The following ADGB variants were observed in gnomAD, a reference collection of about 807,000 sequenced individuals.
The protein encoded by ADGB is calpain-7-like protein.
ADGB carries 172 observed loss-of-function variants against 210.5 expected under a neutral mutation model. The ratio of observed to expected loss-of-function variants is 0.82; its 90% CI spans 0.72 to 0.93. The LOEUF is 0.93. Among genes scored for constraint, ADGB ranks in the 40% least tolerant of loss-of-function variants. The pLI, the probability that ADGB is intolerant of heterozygous loss-of-function variation, is 0.00. For missense variants in ADGB, 2,025 were observed against 1,964.8 expected, an observed-to-expected ratio of 1.03 and a Z score of -0.58; for synonymous variants, 658 against 662.7, an observed-to-expected ratio of 0.99 and a Z score of 0.11.
intron 12 of ADGB, among the ~76,000 whole-genome samples, chr6:146,698,744 G>T (rs1776445444): frequency 6.6e-6 from 1 of 151,854 alleles, no homozygotes; most frequent in Non-Finnish European, 1.5e-5. Flanking sequence ...AAACTTTTGG[G>T]GTTTTGTTTT....
intron 1 of ADGB, among the ~76,000 whole-genome samples, chr6:146,615,189 A>G (rs1267510753): frequency 2.0e-5 from 3 of 151,910 alleles, no homozygotes; most frequent in Non-Finnish European, 4.4e-5. Context: ...TACAGGCGTG[A>G]GCCACCACAC....
chr6:146,804,348 C>T (rs1418385770), intron 35 of ADGB, among the ~76,000 whole-genome samples: 1 of 152,118 alleles, frequency 6.6e-6, no homozygotes, highest in Non-Finnish European at 1.5e-5. Context: ...ACTGTCATTT[C>T]CAGTAATGGC....
chr6:146,759,104 C>T (rs570624836), intron 27 of ADGB, among the ~76,000 whole-genome samples: 2 of 151,898 alleles, frequency 1.3e-5, no homozygotes, highest in South Asian at 4.1e-4. Context: ...CACATAAATA[C>T]TAATAGTTGC....
At chr6:146,679,963 G>A (rs1764031593) in intron 9 of ADGB, among the ~76,000 whole-genome samples, 1 of 152,116 alleles carries the variant, frequency 6.6e-6, no homozygotes, top group South Asian at 2.1e-4. Context: ...CTCTAGTATA[G>A]AGTTCAGTAT....
At chr6:146,602,639 G>A (rs1057291245) in intron 1 of ADGB, among the ~76,000 whole-genome samples, 2 of 152,110 alleles carry the variant, frequency 1.3e-5, no homozygotes, top group Non-Finnish European at 1.5e-5. Context: ...GGTCAGGTTC[G>A]GGGAAGGCTG....
At chr6:146,653,995 G>A (rs1020096691) in intron 3 of ADGB, 140 bp from the exon 4 acceptor site, 3 of 443,054 alleles carry the variant, frequency 6.8e-6, no homozygotes, top group East Asian at 7.7e-5. Context: ...ATATCCTACT[G>A]CTCAAGGTCA....
intron 7 of ADGB, among the ~76,000 whole-genome samples, chr6:146,671,869 A>G (rs771655965): frequency 1.3e-5 from 2 of 152,192 alleles, no homozygotes; most frequent in African/African-American, 2.4e-5. Flanking sequence ...GACCTTCTAC[A>G]TAAGTGATCA....
At position 146,815,070 on chromosome 6, in the gene ADGB, C is replaced by G. The variant is rs1434332647; in HGVS notation, c.4857C>G (p.Ile1619Met). Residue 1619 changes from isoleucine to methionine, a missense_variant, in exon 36 of 36, where the codon ATC becomes ATG. By Grantham distance (10) the Ile-to-Met change is conservative (BLOSUM62 1). Coordinates refer to ENST00000397944, the MANE Select transcript of ADGB (RefSeq NM_024694.4). Reference sequence around the variant, plus strand: ...AAGCCCGACAGAAAATTTTCGACATCCGGGAAGAGTACAGAAACAAATTGC... The same window carrying G: ...AAGCCCGACAGAAAATTTTCGACATGCGGGAAGAGTACAGAAACAAATTGC... ...LDEARQKIFDIREEYRNKLLE... is the reference protein window; with the variant it reads ...LDEARQKIFDMREEYRNKLLE... The G allele has an allele frequency of 2.6e-6, 4 of 1,546,236 alleles. No individual in the cohort carries two copies. Among genetic ancestry groups the G allele is most frequent in the Non-Finnish European group, 3.5e-6 (4 of 1,145,768 alleles).
intron 25 of ADGB, among the ~76,000 whole-genome samples, chr6:146,744,323 G>A (rs1039106150): frequency 2.0e-5 from 3 of 152,246 alleles, no homozygotes; most frequent in Admixed American, 6.5e-5. Context: ...GGCTAATTCT[G>A]CCCAGCAGGC....
intron 9 of ADGB, among the ~76,000 whole-genome samples, chr6:146,678,424 A>G (rs1776112865): frequency 6.6e-6 from 1 of 152,088 alleles, no homozygotes; most frequent in African/African-American, 2.4e-5. Context: ...ACAGAGCTTC[A>G]TCATGTTGGC....
intron 1 of ADGB, among the ~76,000 whole-genome samples, chr6:146,622,012 T>A (rs1780901839): frequency 6.6e-6 from 1 of 152,186 alleles, no homozygotes; most frequent in African/African-American, 2.4e-5. Context: ...CAGCACTATA[T>A]GAAAGTTCCA....
intron 1 of ADGB, among the ~76,000 whole-genome samples, chr6:146,602,745 G>C (rs192927025): frequency 1.8e-3 from 279 of 152,248 alleles, no homozygotes; most frequent in African/African-American, 6.4e-3. Context: ...GAGAGGCAGG[G>C]GAGTCAACAT....
chr6:146,624,745 A>T (rs1202549697), intron 1 of ADGB, among the ~76,000 whole-genome samples: 1 of 151,894 alleles, frequency 6.6e-6, no homozygotes, highest in East Asian at 1.9e-4. Flanking sequence ...ATGTTACTGT[A>T]GTGGCATTCC....
chr6:146,777,723 C>T (rs1405768644), intron 29 of ADGB, among the ~76,000 whole-genome samples: 1 of 152,190 alleles, frequency 6.6e-6, no homozygotes, highest in East Asian at 1.9e-4. Context: ...TGGCATTCTT[C>T]CCTTCAGCCC....
chr6:146,658,407 T>G (rs1775812900), intron 5 of ADGB, among the ~76,000 whole-genome samples: 1 of 152,046 alleles, frequency 6.6e-6, no homozygotes, highest in East Asian at 1.9e-4. Flanking sequence ...TAGTGGATAG[T>G]GTTGAGGGAG....
chr6:146,801,201 G>T lies in ADGB; in HGVS notation c.4556G>T (p.Arg1519Leu), dbSNP rs558254471. ...TTTAAAGAAACAGGACCTCGTACAC[G>T]ATCTCCAACAATTTTGGAAACATCT... ...KENIQTGPRT[R>L]SPTILETSPR... The change falls in exon 34 of 36, where the codon CGA (arginine) becomes CTA (leucine). Residue 1519 changes from arginine to leucine, a missense_variant. By Grantham distance (102) the Arg-to-Leu change is moderately radical. Transcript: ENST00000397944. The T allele has an allele frequency of 1.2e-5, 18 of 1,496,454 alleles. No individual in the cohort carries two copies. Among genetic ancestry groups the T allele is most frequent in the Non-Finnish European group, 1.5e-5 (17 of 1,121,060 alleles). The allele number at this position is 1,496,454 out of a possible 1,614,324, so 92.7% of individuals were successfully genotyped here. A position where few individuals can be genotyped will look rare whatever the true frequency, so the allele number is the denominator to read the frequency against.
At chr6:146,755,954 G>GTTTGT (rs980533918) in intron 27 of ADGB, among the ~76,000 whole-genome samples, 2 of 151,604 alleles carry the variant, frequency 1.3e-5, no homozygotes, top group African/African-American at 2.4e-5. Flanking sequence ...GTATTTTTTT[G>GTTTGT]TTTGTTTTGT....
At chr6:146,688,191 T>G (rs1776258264) in intron 10 of ADGB, among the ~76,000 whole-genome samples, 1 of 151,860 alleles carries the variant, frequency 6.6e-6, no homozygotes, top group African/African-American at 2.4e-5. Flanking sequence ...AATAATACAA[T>G]TAGAACAGAA....
intron 29 of ADGB, among the ~76,000 whole-genome samples, chr6:146,771,094 C>A (rs1236455549): frequency 6.6e-6 from 1 of 152,028 alleles, no homozygotes; most frequent in Non-Finnish European, 1.5e-5. Flanking sequence ...GCCGCAAATA[C>A]CTTGCAGGCC....
Sources: gnomAD v4.1 joint callset for allele counts (sites outside exome capture counted in the v4.1 genomes callset) on GRCh38, gnomAD v4.1.1 for gene constraint, MANE v1.5 for transcripts, NCBI Gene and HGNC (gene_info 2026-07-23, HGNC 2026-07-21) for gene names.